NRXN3: variants seen among roughly 807,000 people sequenced by gnomAD.
NRXN3 encodes the protein neurexin 3, also known as neurexin III.
Under a neutral mutation model 137.6 loss-of-function variants are expected in NRXN3, and 32 were observed. The observed-to-expected ratio is 0.23, with a 90% confidence interval of 0.18 to 0.31. The LOEUF (loss-of-function observed/expected upper bound fraction) is 0.31. Among genes scored for constraint, NRXN3 ranks in the 10% least tolerant of loss-of-function variants. The probability of loss-of-function intolerance (pLI) is 1.00; values close to 1 mark genes in which losing one functional copy is unlikely to be tolerated. For missense variants in NRXN3, 1,574 were observed against 2,062.5 expected (o/e 0.76, Z 4.59); for synonymous variants, 798 against 784.5 (o/e 1.02, Z -0.29).
chr14:78,478,753 A>G (rs190724852), intron 4 of NRXN3, among the ~76,000 whole-genome samples: 12 of 152,238 alleles, frequency 7.9e-5, no homozygotes, highest in East Asian at 1.9e-4. Context: ...AGACTGGAAA[A>G]AGAAGACCGA....
chr14:78,253,285 C>T (rs1253411531), intron 2 of NRXN3, among the ~76,000 whole-genome samples: 1 of 151,696 alleles, frequency 6.6e-6, no homozygotes, highest in Non-Finnish European at 1.5e-5. Context: ...ATCATGTGGC[C>T]CTGTTAGAGG....
chr14:78,456,799 C>CTCTT (rs374674586), intron 4 of NRXN3, among the ~76,000 whole-genome samples: 11,650 of 97,484 alleles, frequency 0.12, 881 homozygotes, highest in East Asian at 0.15. Flanking sequence ...CTCTCTTTCT[C>CTCTT]TCTTTCTTTC....
intron 20 of NRXN3, among the ~76,000 whole-genome samples, chr14:79,845,896 A>C (rs36140992): frequency 1.1e-5 from 1 of 93,498 alleles, no homozygotes; most frequent in East Asian, 3.4e-4. Flanking sequence ...GATGGAGAGA[A>C]AGACAGAGAG....
chr14:78,249,473 C>A (rs2153459956), intron 2 of NRXN3, among the ~76,000 whole-genome samples: 1 of 152,272 alleles, frequency 6.6e-6, no homozygotes, highest in African/African-American at 2.4e-5. Context: ...CTTTCTCCTT[C>A]ACAGGGCAGA....
At chr14:78,418,916 C>T (rs1332285513) in intron 4 of NRXN3, among the ~76,000 whole-genome samples, 1 of 152,164 alleles carries the variant, frequency 6.6e-6, no homozygotes, top group Non-Finnish European at 1.5e-5. Context: ...GCTGGGATTT[C>T]AACTTAATCT....
chr14:79,258,485 A>C (rs965380710), intron 15 of NRXN3, among the ~76,000 whole-genome samples: 1 of 152,122 alleles, frequency 6.6e-6, no homozygotes, highest in Non-Finnish European at 1.5e-5. Flanking sequence ...GATTACAGGC[A>C]TGAGCCACCA....
intron 15 of NRXN3, among the ~76,000 whole-genome samples, chr14:79,432,940 T>C (rs1429820474): frequency 1.3e-5 from 2 of 152,192 alleles, no homozygotes; most frequent in South Asian, 2.1e-4. Flanking sequence ...TGTCAGAAGA[T>C]GTGTGTCTTG....
intron 4 of NRXN3, among the ~76,000 whole-genome samples, chr14:78,594,380 A>G (rs1163441814): frequency 6.6e-6 from 1 of 152,124 alleles, no homozygotes; most frequent in African/African-American, 2.4e-5. Flanking sequence ...TCTGTCCCTG[A>G]ACACACCAAA....
chr14:79,787,802 A>G (rs1603501483), intron 19 of NRXN3, among the ~76,000 whole-genome samples: 1 of 152,148 alleles, frequency 6.6e-6, no homozygotes, highest in Non-Finnish European at 1.5e-5. Context: ...AATTTTATTC[A>G]TCCATTAATG....
chr14:79,152,393 G>A (rs371683298), intron 15 of NRXN3, among the ~76,000 whole-genome samples: 3 of 151,998 alleles, frequency 2.0e-5, no homozygotes, highest in Non-Finnish European at 2.9e-5. Flanking sequence ...TTGGCTTGGA[G>A]TTACTGGCAG....
chr14:78,644,808 C>T (rs17108004), intron 4 of NRXN3, among the ~76,000 whole-genome samples: 10,793 of 152,298 alleles, frequency 0.071, 584 homozygotes, highest in African/African-American at 0.15. Flanking sequence ...TCGAGCCTCA[C>T]TTGATCATTT....
intron 7 of NRXN3, among the ~76,000 whole-genome samples, chr14:78,711,068 C>T (rs1482255420): frequency 1.3e-5 from 2 of 152,110 alleles, no homozygotes; most frequent in African/African-American, 4.8e-5. Flanking sequence ...AAAATGACAG[C>T]AAGAGCAGAG....
Position 78,991,966 on chromosome 14 carries a change from T to C in NRXN3, c.3262+3825T>C, listed in dbSNP as rs141760816. Among the ~76,000 whole-genome samples the C allele has an allele frequency of 3.8e-3, 584 of 152,328 alleles. 17 individuals are homozygous for C. Among genetic ancestry groups the C allele is most frequent in the East Asian group, 0.03 (154 of 5,176 alleles). ...ATGGAGGCAGTGGGATGAATTTCAG[T>C]TTCACTCTTATAAACATAGCTGTGC... On this transcript the variant is annotated intron_variant, in intron 15 of 20. Transcript: ENST00000335750.
intron 16 of NRXN3, among the ~76,000 whole-genome samples, chr14:79,606,083 T>C (rs2153837582): frequency 6.6e-6 from 1 of 152,256 alleles, no homozygotes; most frequent in Non-Finnish European, 1.5e-5. Context: ...GTTTGAGGAT[T>C]GGAAAGCCTC....
At chr14:79,446,282 C>T (rs1174951594) in intron 15 of NRXN3, among the ~76,000 whole-genome samples, 1 of 152,108 alleles carries the variant, frequency 6.6e-6, no homozygotes, top group Non-Finnish European at 1.5e-5. Context: ...AAATTCTTTC[C>T]TGTTTTGCTT....
intron 15 of NRXN3, among the ~76,000 whole-genome samples, chr14:78,992,987 TCA>T (rs2099521953): frequency 6.6e-6 from 1 of 152,190 alleles, no homozygotes; most frequent in Non-Finnish European, 1.5e-5. Context: ...ACATTGCTGG[TCA>T]CACACTGCAG....
At chr14:79,768,027 A>T in intron 19 of NRXN3, among the ~76,000 whole-genome samples, 1 of 152,196 alleles carries the variant, frequency 6.6e-6, no homozygotes, top group African/African-American at 2.4e-5. Context: ...CACCTGGAAA[A>T]TTGGGTCACT....
At chr14:79,130,268 T>C (rs2057256016) in intron 15 of NRXN3, among the ~76,000 whole-genome samples, 1 of 152,172 alleles carries the variant, frequency 6.6e-6, no homozygotes, top group African/African-American at 2.4e-5. Flanking sequence ...AGTTTCTTCC[T>C]AGTCTCGATG....
chr14:79,631,951 C>T (rs573649881), intron 16 of NRXN3, among the ~76,000 whole-genome samples: 1 of 152,160 alleles, frequency 6.6e-6, no homozygotes, highest in South Asian at 2.1e-4. Flanking sequence ...AATCAGCTCT[C>T]TGTAAAATGG....
Sources: gnomAD v4.1 joint callset for allele counts (sites outside exome capture counted in the v4.1 genomes callset) on GRCh38, gnomAD v4.1.1 for gene constraint, MANE v1.5 for transcripts, NCBI Gene and HGNC (gene_info 2026-07-23, HGNC 2026-07-21) for gene names.